The following TREX2 variants were observed in gnomAD, a reference collection of about 807,000 sequenced individuals.
TREX2 encodes the protein 3'-5' exonuclease TREX2 long form.
For synonymous variants in TREX2, 121 were observed against 112.1 expected, an observed-to-expected ratio of 1.08 and a Z score of -0.50; for missense variants, 242 against 235.3, an observed-to-expected ratio of 1.03 and a Z score of -0.19.
Position 153,445,501 on chromosome X carries a change from G to C in TREX2, c.-65-6C>G. 9.9e-7 allele frequency: 1 copy of C among 1,013,511 alleles called. No homozygotes were observed. Among genetic ancestry groups the C allele is most frequent in the Non-Finnish European group, 1.3e-6 (1 of 752,745 alleles). 83.5% of individuals were successfully genotyped at this position (1,013,511 alleles called of 1,213,427 possible). On this transcript the variant is annotated splice_region_variant and splice_polypyrimidine_tract_variant and intron_variant, in intron 1 of 1. Transcript: ENST00000370231. ...AGAGGCACAAACCCTGAGGACTGGA[G>C]AGAGGGGTTCGCCCGGGCCCTGCTG... is the stretch of plus-strand genomic sequence containing the variant.
intron 1 of TREX2, 106 bp from the exon 2 acceptor site, chrX:153,445,601 G>GT (rs1800658686): frequency 1.8e-6 from 1 of 543,449 alleles, no homozygotes. Flanking sequence ...CACAGCACCT[G>GT]TGACCTTTGG....
chrX:153,444,615 G>T lies in TREX2; in HGVS notation c.*105C>A. The T allele has an allele frequency of 2.2e-6, 2 of 902,005 alleles. No individual in the cohort carries two copies. Among genetic ancestry groups the T allele is most frequent in the Non-Finnish European group, 1.5e-6 (1 of 648,017 alleles). The allele number at this position is 902,005 out of a possible 1,213,427, so 74.3% of individuals were successfully genotyped here. ...CAGGCAGCCAGGGAAGGCCTGGCAGGTGCACGGACCTGAGGCTGCCCAGAT... is the reference window on the plus strand; with the variant it reads ...CAGGCAGCCAGGGAAGGCCTGGCAGTTGCACGGACCTGAGGCTGCCCAGAT... On this transcript the variant is annotated 3_prime_UTR_variant, in exon 2 of 2. Coordinates refer to ENST00000370231, the MANE Select transcript of TREX2 (RefSeq NM_080701.4).
Position 153,444,703 on chromosome X carries a change from G to A in TREX2, c.*17C>T, listed in dbSNP as rs1175883672. The A allele has an allele frequency of 1.3e-5, 15 of 1,172,071 alleles. No individual in the cohort carries two copies. The highest frequency in any genetic ancestry group is 1.6e-5 in the Non-Finnish European group (14 of 876,162). On this transcript the variant is annotated 3_prime_UTR_variant, in exon 2 of 2. Coordinates refer to ENST00000370231, the MANE Select transcript of TREX2 (RefSeq NM_080701.4). Reference sequence around the variant, plus strand: ...GGAGGCTGGCACTGTCCATGGCACAGGAGGTGGCCCTGGTGCTCAGGCCTC... The same window carrying A: ...GGAGGCTGGCACTGTCCATGGCACAAGAGGTGGCCCTGGTGCTCAGGCCTC...
rs2089137237 is a variant in TREX2 at position 153,444,843 on chromosome X, G to T, written c.588C>A (p.Thr196=). Residue 196 remains threonine (T), a synonymous_variant, in exon 2 of 2, where the codon ACC becomes ACA. Coordinates refer to ENST00000370231, the MANE Select transcript of TREX2 (RefSeq NM_080701.4). ...CGCGGTGCAGGAAGATCAGGAGCAGGGTGTGCACGTCGCCCTCGGCTGAGT... is the reference window on the plus strand; with the variant it reads ...CGCGGTGCAGGAAGATCAGGAGCAGTGTGTGCACGTCGCCCTCGGCTGAGT... ...AAHSAEGDVH[T]LLLIFLHRAA... 4 of 1,203,145 alleles carry T rather than the reference G, an allele frequency of 3.3e-6. No individual in the cohort carries two copies. The highest frequency in any genetic ancestry group is 2.2e-6 in the Non-Finnish European group (2 of 891,861).
chrX:153,445,705 C>A, intron 1 of TREX2: 1 of 496,594 alleles, frequency 2.0e-6, no homozygotes, highest in Non-Finnish European at 3.6e-6. Flanking sequence ...CAGTCCCCAG[C>A]AGGGATTGGG....
chrX:153,445,124 C>G lies in TREX2; in HGVS notation c.307G>C (p.Ala103Pro). The change falls in exon 2 of 2, where the codon GCC becomes CCC. Residue 103 changes from alanine (A) to proline (P), a missense_variant. Transcript: ENST00000370231. ...FDGAVVRTLQ[A>P]FLSRQAGPIC... ...GGCCCTGCCTGGCGGCTCAGGAAGG[C>G]CTGCAGCGTCCGCACCACGGCGCCA... 1 of 1,199,257 alleles carries G rather than the reference C, an allele frequency of 8.3e-7. No homozygotes were observed. Among genetic ancestry groups the G allele is most frequent in the African/African-American group, 1.7e-5 (1 of 57,502 alleles).
rs1277561076 is a variant in TREX2, at chrX:153,445,487, C to T, written c.-57G>A. ...AAACTGTCCGAGCGAGAGGCACAAA[C>T]CCTGAGGACTGGAGAGAGGGGTTCG... On this transcript the variant is annotated 5_prime_UTR_variant, in exon 2 of 2. Transcript: ENST00000370231. 3 of 1,046,453 alleles carry T rather than the reference C, an allele frequency of 2.9e-6. No individual in the cohort carries two copies. In the African/African-American group the frequency reaches 5.7e-5, roughly 20 times the overall value. The allele number at this position is 1,046,453 out of a possible 1,213,427, so 86.2% of individuals were successfully genotyped here.
rs2089133294 is a variant in TREX2, at chrX:153,444,626, TG to T, written c.*93del. On this transcript the variant is annotated 3_prime_UTR_variant, in exon 2 of 2. Transcript: ENST00000370231. Reference sequence around the variant, plus strand: ...GGAAGGCCTGGCAGGTGCACGGACCTGAGGCTGCCCAGATAGGAGGAGCCGG... The same window carrying T: ...GGAAGGCCTGGCAGGTGCACGGACCTAGGCTGCCCAGATAGGAGGAGCCGG... 2.0e-6 allele frequency: 2 copies of T among 1,003,993 alleles called. No individual in the cohort carries two copies. The highest frequency in any genetic ancestry group is 3.8e-5 in the African/African-American group (2 of 52,831). 82.7% of individuals were successfully genotyped at this position (1,003,993 alleles called of 1,213,427 possible).
rs369979100 is a variant in TREX2 at position 153,445,296 on chromosome X, G to A, written c.135C>T (p.His45=). The A allele has an allele frequency of 1.2e-3, 1,477 of 1,202,910 alleles. 13 individuals carry two copies. In the South Asian group the frequency reaches 0.025, roughly 20 times the overall value. ...VHRSSLENPE[H]DESGALVLPR... ...GCAATACTAGGGCACCAGACTCGTC[G>A]TGCTCCGGGTTCTCCAGGGAGGAGC... The change falls in exon 2 of 2, where the codon CAC becomes CAT. Residue 45 remains histidine, a synonymous_variant. Coordinates refer to ENST00000370231, the MANE Select transcript of TREX2 (RefSeq NM_080701.4).
At chrX:153,445,895 G>A (rs962721682) in intron 1 of TREX2, 114 bp downstream of exon 1, 3 of 223,371 alleles carry the variant, frequency 1.3e-5, no homozygotes, top group Admixed American at 1.4e-4. Context: ...CGCTGGGCTC[G>A]ACCTCCCCAC....
rs782015080 is a variant in TREX2 at position 153,444,914 on chromosome X, C to T, written c.517G>A (p.Gly173Ser). 1.5e-5 allele frequency: 18 copies of T among 1,201,137 alleles called. No individual in the cohort carries two copies. Among genetic ancestry groups the T allele is most frequent in the South Asian group, 1.1e-4 (6 of 55,398 alleles). Residue 173 changes from glycine (G) to serine (S), a missense_variant, in exon 2 of 2, where the codon GGC becomes AGC. Gly to Ser is a moderately conservative substitution (Grantham distance 56). Transcript: ENST00000370231. The stretch of plus-strand genomic sequence containing the variant: ...CGGAAGTAGCGGTGGAAGAGGCTGC[C>T]GAGGCTGTAACCCTGGCGGCCCCGG... ...RARGRQGYSL[G>S]SLFHRYFRAE... is the part of the protein sequence containing the mutation.
chrX:153,444,876 G>T lies in TREX2; in HGVS notation c.555C>A (p.Ser185Arg). ...CGTCGCCCTCGGCTGAGTGGGCTGC[G>T]CTTGGCTCTGCCCGGAAGTAGCGGT... ...LFHRYFRAEP[S>R]AAHSAEGDVH... The change falls in exon 2 of 2, where the codon AGC becomes AGA. Residue 185 changes from serine (S) to arginine (R), a missense_variant. Coordinates refer to ENST00000370231, the MANE Select transcript of TREX2 (RefSeq NM_080701.4). 1 of 1,205,074 alleles carries T rather than the reference G, an allele frequency of 8.3e-7. No homozygotes were observed. Among genetic ancestry groups the T allele is most frequent in the Non-Finnish European group, 1.1e-6 (1 of 892,826 alleles).
chrX:153,445,093 C>T lies in TREX2; in HGVS notation c.338G>A (p.Cys113Tyr). ...ATCAAAGCCATTGTGGGCCACAAGG[C>T]AGATGGGCCCTGCCTGGCGGCTCAG... ...AFLSRQAGPI[C>Y]LVAHNGFDYD... Residue 113 changes from cysteine (C) to tyrosine (Y), a missense_variant, in exon 2 of 2, where the codon TGC becomes TAC. Coordinates refer to ENST00000370231, the MANE Select transcript of TREX2 (RefSeq NM_080701.4). 8.4e-7 allele frequency: 1 copy of T among 1,186,069 alleles called. No homozygotes were observed.
rs377225993 is a variant in TREX2 at position 153,445,146 on chromosome X, G to A, written c.285C>T (p.Gly95=). ...AGGCCTGCAGCGTCCGCACCACGGC[G>A]CCATCAAAGCCAGCCTTCCGGCATC... ...LARCRKAGFD[G]AVVRTLQAFL... Residue 95 remains glycine, a synonymous_variant, in exon 2 of 2, where the codon GGC becomes GGT. Coordinates refer to ENST00000370231, the MANE Select transcript of TREX2 (RefSeq NM_080701.4). 1,076 of 1,205,727 alleles carry A rather than the reference G, an allele frequency of 8.9e-4. 8 individuals are homozygous for A. The South Asian group carries it at 0.018, about 20-fold the overall frequency.
chrX:153,445,602 T>A lies in TREX2; in HGVS notation c.-65-107A>T, dbSNP rs138397873. The A allele has an allele frequency of 2.5e-3, 1,359 of 543,223 alleles. 2 individuals carry two copies. The highest frequency in any genetic ancestry group is 3.6e-3 in the Non-Finnish European group (1,125 of 313,780). 44.8% of individuals were successfully genotyped at this position (543,223 alleles called of 1,213,427 possible). ...CTGCCACCCCCGACCACAGCACCTGTGACCTTTGGCTCTGGGAGCGTCAGC... is the reference window on the plus strand; with the variant it reads ...CTGCCACCCCCGACCACAGCACCTGAGACCTTTGGCTCTGGGAGCGTCAGC... On this transcript the variant is annotated intron_variant, in intron 1 of 1. Transcript: ENST00000370231.
Sources: gnomAD v4.1 joint callset for allele counts on GRCh38, gnomAD v4.1.1 for gene constraint, MANE v1.5 for transcripts, NCBI Gene and HGNC (gene_info 2026-07-23, HGNC 2026-07-21) for gene names.